ZNF835: variants seen among roughly 807,000 people sequenced by gnomAD.
ZNF835 encodes the protein zinc finger protein 835.
For synonymous variants in ZNF835, 323 were observed against 324.7 expected, an observed-to-expected ratio of 0.99 and a Z score of 0.06; for missense variants, 783 against 758.4, an observed-to-expected ratio of 1.03 and a Z score of -0.38.
Position 56,663,665 on chromosome 19 carries a change from T to C in ZNF835, c.1534A>G (p.Thr512Ala). ...RLCPAPTPDS[T>A]PGLSQGGETC... Reference sequence around the variant, plus strand: ...TCTCCTCCCTGTGAGAGCCCAGGTGTTGAGTCAGGCGTGGGAGCTGGGCAA... The same window carrying C: ...TCTCCTCCCTGTGAGAGCCCAGGTGCTGAGTCAGGCGTGGGAGCTGGGCAA... Residue 512 changes from threonine to alanine, a missense_variant, in exon 2 of 2, where the codon ACA becomes GCA. Transcript: ENST00000537055. The C allele has an allele frequency of 6.2e-7, 1 of 1,614,038 alleles. No homozygotes were observed. The highest frequency in any genetic ancestry group is 1.1e-5 in the South Asian group (1 of 91,088).
intron 1 of ZNF835, among the ~76,000 whole-genome samples, chr19:56,666,244 C>T (rs1183407431): frequency 1.2e-4 from 19 of 152,124 alleles, no homozygotes; most frequent in South Asian, 2.1e-4. Context: ...GTAGTTGGGA[C>T]TACAGGTGCA....
chr19:56,669,746 C>T (rs4801357), intron 1 of ZNF835, among the ~76,000 whole-genome samples: 1 of 29,354 alleles, frequency 3.4e-5, no homozygotes, highest in Non-Finnish European at 5.4e-5. Flanking sequence ...TGGGGGTCTA[C>T]CAGGAGTCCT....
At position 56,664,740 on chromosome 19, in the gene ZNF835, C is replaced by G. The variant is rs2045228534; in HGVS notation, c.459G>C (p.Leu153=). 2 of 1,611,856 alleles carry G rather than the reference C, an allele frequency of 1.2e-6. No individual in the cohort carries two copies. The highest frequency in any genetic ancestry group is 3.3e-5 in the Admixed American group (2 of 59,972). ...CGKAFSQSVH[L]TLHQRTHTGE... ...CCGTGTGCGTGCGCTGGTGCAGGGT[C>G]AGGTGCACGCTCTGGCTGAAGGCCT... The change falls in exon 2 of 2, where the codon CTG becomes CTC. Residue 153 remains leucine, a synonymous_variant. Transcript: ENST00000537055.
chr19:56,669,051 C>T (rs1226820762), intron 1 of ZNF835, among the ~76,000 whole-genome samples: 1 of 152,124 alleles, frequency 6.6e-6, no homozygotes, highest in African/African-American at 2.4e-5. Context: ...TGGGCTTTCT[C>T]CACACCAACA....
chr19:56,664,767 GC>G lies in ZNF835; in HGVS notation c.431del (p.Gly144AlafsTer10). On this transcript the variant is annotated frameshift_variant, in exon 2 of 2. Transcript: ENST00000537055. LOFTEE classifies it low-confidence loss of function (END_TRUNC). ...GGTGCACGCTCTGGCTGAAGGCCTT[GC>G]CGCACTCGGGGCACGCAAATGGCTT... ...GEKPFACPEC[G>X]KAFSQSVHLT... 6.2e-7 allele frequency: 1 copy of G among 1,614,142 alleles called. No individual in the cohort carries two copies. Among genetic ancestry groups the G allele is most frequent in the Non-Finnish European group, 8.5e-7 (1 of 1,180,008 alleles).
intron 1 of ZNF835, among the ~76,000 whole-genome samples, chr19:56,667,781 T>C (rs1263141484): frequency 1.3e-5 from 2 of 152,074 alleles, no homozygotes; most frequent in Non-Finnish European, 2.9e-5. Context: ...CCCTCAGGCG[T>C]TGGATTCCTG....
At position 56,664,699 on chromosome 19, in the gene ZNF835, G is replaced by GC; in HGVS notation, c.499dup (p.Ala167GlyfsTer81). 6.2e-7 allele frequency: 1 copy of GC among 1,609,418 alleles called. No homozygotes were observed. Among genetic ancestry groups the GC allele is most frequent in the South Asian group, 1.1e-5 (1 of 90,638 alleles). On this transcript the variant is annotated frameshift_variant, in exon 2 of 2. Transcript: ENST00000537055. LOFTEE classifies it low-confidence loss of function (END_TRUNC). Reference sequence around the variant, plus strand: ...GAAGGCCTTGCCGCACTCGTGGCAGGCGTAGGGCTTCTCGCCCGTGTGCGT... The same window carrying GC: ...GAAGGCCTTGCCGCACTCGTGGCAGGCCGTAGGGCTTCTCGCCCGTGTGCGT...
At position 56,663,194 on chromosome 19, in the gene ZNF835, C is replaced by T; in HGVS notation, c.*391G>A. 4.9e-6 allele frequency: 1 copy of T among 203,592 alleles called. No individual in the cohort carries two copies. The highest frequency in any genetic ancestry group is 9.7e-6 in the Non-Finnish European group (1 of 102,722). The allele number at this position is 203,592 out of a possible 1,614,324, so 12.6% of individuals were successfully genotyped here. On this transcript the variant is annotated 3_prime_UTR_variant, in exon 2 of 2. Transcript: ENST00000537055. ...AAAAAAAAAAAAATTAGCCAGACTC[C>T]TGTAATTTTAACTACTCGGGAGGTT...
At position 56,664,104 on chromosome 19, in the gene ZNF835, G is replaced by A. The variant is rs1184612572; in HGVS notation, c.1095C>T (p.His365=). 4 of 1,599,382 alleles carry A rather than the reference G, an allele frequency of 2.5e-6. No individual in the cohort carries two copies. In the Admixed American group the frequency reaches 6.7e-5, roughly 27 times the overall value. ...GGTTGCTGAAGCGCTTGCCGCAGTC[G>A]TGGCAGGGGTAAGGCCGCTCTCCGG... ...THTGERPYPC[H]DCGKRFSNRS... The change falls in exon 2 of 2, where the codon CAC becomes CAT. Residue 365 remains histidine, a synonymous_variant. Transcript: ENST00000537055.
intron 1 of ZNF835, among the ~76,000 whole-genome samples, chr19:56,671,134 T>C (rs879315180): frequency 3.0e-3 from 296 of 97,856 alleles, no homozygotes; most frequent in Middle Eastern, 0.021. Flanking sequence ...GACACAGTGA[T>C]GGGCTGGCAC....
chr19:56,664,090 C>A lies in ZNF835; in HGVS notation c.1109G>T (p.Arg370Leu), dbSNP rs754660468. ...RPYPCHDCGKRFSNRSHLLQH... is the reference protein window; with the variant it reads ...RPYPCHDCGKLFSNRSHLLQH... ...GAGGAGGTGGGAGCGGTTGCTGAAG[C>A]GCTTGCCGCAGTCGTGGCAGGGGTA... Residue 370 changes from arginine to leucine, a missense_variant, in exon 2 of 2, where the codon CGC becomes CTC. Transcript: ENST00000537055. The A allele has an allele frequency of 3.8e-6, 6 of 1,591,172 alleles. No individual in the cohort carries two copies. The African/African-American group carries it at 5.6e-5, about 15-fold the overall frequency.
Position 56,663,525 on chromosome 19 carries a change from C to A in ZNF835, c.*60G>T. 6.3e-7 allele frequency: 1 copy of A among 1,598,262 alleles called. No individual in the cohort carries two copies. The highest frequency in any genetic ancestry group is 1.1e-5 in the South Asian group (1 of 89,846). On this transcript the variant is annotated 3_prime_UTR_variant, in exon 2 of 2. Coordinates refer to ENST00000537055, the MANE Select transcript of ZNF835 (RefSeq NM_001005850.3). ...GCCTCGGTTTCCTCACAGGAAGCGT[C>A]GGGGATAACACAGTATCTCCCCCAT...
chr19:56,665,278 T>C, intron 1 of ZNF835, 33 bp from the exon 2 acceptor site: 1 of 1,571,428 alleles, frequency 6.4e-7, no homozygotes, highest in African/African-American at 1.4e-5. Flanking sequence ...AAAAATTAAA[T>C]GTTGCCACTT....
Position 56,664,816 on chromosome 19 carries a change from T to G in ZNF835, c.383A>C (p.His128Pro), listed in dbSNP as rs761841779. 6.2e-7 allele frequency: 1 copy of G among 1,611,318 alleles called. No homozygotes were observed. The change falls in exon 2 of 2, where the codon CAC (histidine) becomes CCC (proline). Residue 128 changes from histidine (H) to proline (P), a missense_variant. Transcript: ENST00000537055. ...AFSYCSAFIL[H>P]QRIHTGEKPF... ...CTTCTCCCCGGTGTGGATTCTCTGG[T>G]GTAAGATGAACGCTGAACAGTAGCT... is the stretch of plus-strand genomic sequence containing the variant.
intron 1 of ZNF835, among the ~76,000 whole-genome samples, chr19:56,669,356 G>A (rs909767856): frequency 2.6e-5 from 4 of 152,112 alleles, no homozygotes; most frequent in Non-Finnish European, 5.9e-5. Context: ...TCCATGACAC[G>A]GGCGTGACTG....
chr19:56,666,862 C>G (rs575859554), intron 1 of ZNF835, among the ~76,000 whole-genome samples: 2 of 152,136 alleles, frequency 1.3e-5, no homozygotes, highest in Non-Finnish European at 2.9e-5. Context: ...CATCTGTAAA[C>G]CAGGAAGAGA....
chr19:56,671,693 G>A lies in ZNF835; in HGVS notation c.-165C>T, dbSNP rs2045295214. On this transcript the variant is annotated 5_prime_UTR_variant, in exon 1 of 2. Transcript: ENST00000537055. Reference sequence around the variant, plus strand: ...TCCTCCTGGGCCAACGCAGACCCTGGTGCCTCCTTCCTTAGACGAGCTAAG... The same window carrying A: ...TCCTCCTGGGCCAACGCAGACCCTGATGCCTCCTTCCTTAGACGAGCTAAG... 6.6e-6 allele frequency: 1 copy of A among 152,310 alleles called. No individual in the cohort carries two copies. The highest frequency in any genetic ancestry group is 1.5e-5 in the Non-Finnish European group (1 of 68,122). The allele number at this position is 152,310 out of a possible 1,614,324, so 9.4% of individuals were successfully genotyped here.
At chr19:56,667,694 C>G (rs957303777) in intron 1 of ZNF835, among the ~76,000 whole-genome samples, 20 of 152,210 alleles carry the variant, frequency 1.3e-4, no homozygotes, top group African/African-American at 4.3e-4. Flanking sequence ...TCCCCACTTC[C>G]TGTGTGAGAT....
At position 56,663,514 on chromosome 19, in the gene ZNF835, A is replaced by T; in HGVS notation, c.*71T>A. 6.3e-7 allele frequency: 1 copy of T among 1,586,168 alleles called. No homozygotes were observed. The highest frequency in any genetic ancestry group is 8.6e-7 in the Non-Finnish European group (1 of 1,166,658). ...AGCTTCTCTGAGCCTCGGTTTCCTC[A>T]CAGGAAGCGTCGGGGATAACACAGT... is the stretch of plus-strand genomic sequence containing the variant. On this transcript the variant is annotated 3_prime_UTR_variant, in exon 2 of 2. Coordinates refer to ENST00000537055, the MANE Select transcript of ZNF835 (RefSeq NM_001005850.3).
Sources: allele counts gnomAD v4.1 joint callset (sites outside exome capture counted in the v4.1 genomes callset), GRCh38; gene constraint gnomAD v4.1.1; transcripts MANE v1.5; gene names NCBI Gene and HGNC (gene_info 2026-07-23, HGNC 2026-07-21).